Variants in CAMK2G observed in about 807,000 individuals in gnomAD.
The protein encoded by CAMK2G is calcium/calmodulin dependent protein kinase II gamma, also known as calcium/calmodulin-dependent protein kinase type II subunit gamma.
Under a neutral mutation model 88.7 loss-of-function variants are expected in CAMK2G, and 23 were observed. That is an observed-to-expected ratio of 0.26 (90% confidence interval 0.19 to 0.37). The LOEUF is 0.37. Among genes scored for constraint, CAMK2G ranks in the 10% least tolerant of loss-of-function variants. The probability of loss-of-function intolerance (pLI) is 1.00; values close to 1 mark genes in which losing one functional copy is unlikely to be tolerated. For synonymous variants in CAMK2G, 263 were observed against 294.8 expected (o/e 0.89, Z 1.11); for missense variants, 476 against 780.8 (o/e 0.61, Z 4.65).
intron 14 of CAMK2G, among the ~76,000 whole-genome samples, chr10:73,834,349 A>G (rs111317717): frequency 0.013 from 1,910 of 152,330 alleles, 41 homozygotes; most frequent in African/African-American, 0.043. Context: ...TCTGGTTCCC[A>G]CCATGATATT....
chr10:73,874,296 G>T, intron 1 of CAMK2G, 101 bp downstream of exon 1: 2 of 727,398 alleles, frequency 2.7e-6, no homozygotes. Flanking sequence ...GGCGGCCGAG[G>T]GGGAGCCGCA....
In CAMK2G at chr10:73,839,511, G is replaced by A; in HGVS notation, c.1009+28C>T. On this transcript the variant is annotated intron_variant, in intron 13 of 22. Transcript: ENST00000423381. This position sits in a 1 kb window ranked among gnomAD's most constrained non-coding sequence, Gnocchi z 4.2. ...GTGGGGTGGCAGGGGGCCGAGGCAG[G>A]CGGTCGGGGAGGACTCATGCCACGT... 8.2e-7 allele frequency: 1 copy of A among 1,222,106 alleles called. No homozygotes were observed. The highest frequency in any genetic ancestry group is 1.0e-6 in the Non-Finnish European group (1 of 977,052). The allele number at this position is 1,222,106 out of a possible 1,614,324, so 75.7% of individuals were successfully genotyped here.
intron 3 of CAMK2G, among the ~76,000 whole-genome samples, chr10:73,854,537 G>A (rs1274444109): frequency 2.0e-5 from 3 of 152,132 alleles, no homozygotes; most frequent in African/African-American, 7.2e-5. Context: ...TCCAAGCCTT[G>A]GCAGTTACAG....
rs1260231229 is a variant in CAMK2G at position 73,820,486 on chromosome 10, ATATATATTTTT to A, written c.1250-852_1250-842del. 2.6e-3 allele frequency among the ~76,000 whole-genome samples: 133 copies of A among 51,866 alleles called. 1 individual carries two copies. The highest frequency in any genetic ancestry group is 0.011 in the African/African-American group (93 of 8,438). The allele number at this position is 51,866 out of a possible 152,430, so 34.0% of individuals were successfully genotyped here. On this transcript the variant is annotated intron_variant, in intron 18 of 22. Coordinates refer to ENST00000423381, the MANE Select transcript of CAMK2G (RefSeq NM_001367534.1). The stretch of plus-strand genomic sequence containing the variant: ...TATTTATATATATATATATATATAT[ATATATATTTTT>A]TTTTTTTTTTTTTTCTTGAGACAGA...
chr10:73,844,576 T>A (rs2094087290), intron 10 of CAMK2G, among the ~76,000 whole-genome samples: 1 of 151,880 alleles, frequency 6.6e-6, no homozygotes, highest in Non-Finnish European at 1.5e-5. Context: ...CCCAGCTAAT[T>A]TTTTGTATTT....
intron 14 of CAMK2G, among the ~76,000 whole-genome samples, chr10:73,830,121 G>C (rs1459099287): frequency 2.0e-5 from 3 of 152,126 alleles, no homozygotes; most frequent in Non-Finnish European, 4.4e-5. Context: ...AAATTGTCCT[G>C]CATGAGAACC....
chr10:73,829,063 A>C (rs2091846828), intron 14 of CAMK2G, among the ~76,000 whole-genome samples: 1 of 152,196 alleles, frequency 6.6e-6, no homozygotes, highest in Non-Finnish European at 1.5e-5. Context: ...AATGCCCAGC[A>C]AACACTGAGG....
chr10:73,826,951 C>T (rs2091135824), intron 15 of CAMK2G, among the ~76,000 whole-genome samples: 2 of 147,960 alleles, frequency 1.4e-5, no homozygotes, highest in Admixed American at 6.6e-5. Flanking sequence ...GAAGAGGGGG[C>T]CCAGGAGTAG....
intron 16 of CAMK2G, 129 bp downstream of exon 16, chr10:73,825,150 A>G (rs1229746408): frequency 6.8e-6 from 5 of 735,740 alleles, no homozygotes. Flanking sequence ...CGGCACACAA[A>G]GCAGTCAGTT....
At chr10:73,814,789 C>G (rs1244030407) in intron 22 of CAMK2G, 2 of 562,644 alleles carry the variant, frequency 3.6e-6, no homozygotes, top group Non-Finnish European at 6.4e-6. Flanking sequence ...GGGAAGTAAC[C>G]TGTCTGAGGT....
intron 18 of CAMK2G, among the ~76,000 whole-genome samples, chr10:73,820,492 A>ATATATATATATATTT (rs1554995765): frequency 2.0e-5 from 1 of 51,060 alleles, no homozygotes; most frequent in African/African-American, 8.9e-5. Context: ...ATATATATAT[A>ATATATATATATATTT]TTTTTTTTTT....
intron 1 of CAMK2G, 98 bp from the exon 2 acceptor site, chr10:73,873,181 C>G (rs2095900413): frequency 1.0e-6 from 1 of 1,002,736 alleles, no homozygotes; most frequent in South Asian, 1.3e-5. Context: ...ACCACCAGAC[C>G]TCTAGTCACA....
At chr10:73,823,679 C>G (rs1489833453) in intron 17 of CAMK2G, among the ~76,000 whole-genome samples, 3 of 152,204 alleles carry the variant, frequency 2.0e-5, no homozygotes, top group Admixed American at 2.0e-4. Context: ...ACAAAGGGGT[C>G]AGGCCATGGA....
At chr10:73,828,278 C>T (rs533171496) in intron 14 of CAMK2G, among the ~76,000 whole-genome samples, 157 bp from the exon 15 acceptor site, 2 of 152,182 alleles carry the variant, frequency 1.3e-5, no homozygotes, top group African/African-American at 2.4e-5. Flanking sequence ...TTAAACAGCA[C>T]ACGGACCGAC....
intron 2 of CAMK2G, among the ~76,000 whole-genome samples, chr10:73,864,768 G>A (rs890909102): frequency 2.6e-5 from 4 of 152,026 alleles, no homozygotes; most frequent in South Asian, 2.1e-4. Flanking sequence ...TCAGCCTCCC[G>A]AGTAGCTGGG....
At chr10:73,820,464 T>TATATATA (rs2087623930) in intron 18 of CAMK2G, among the ~76,000 whole-genome samples, 4 of 74,088 alleles carry the variant, frequency 5.4e-5, no homozygotes, top group African/African-American at 2.8e-4. Context: ...GGTTTTATAT[T>TATATATA]TATATATATA....
At chr10:73,873,501 G>A in intron 1 of CAMK2G, 9 of 1,017,386 alleles carry the variant, frequency 8.8e-6, no homozygotes, top group Non-Finnish European at 1.1e-5. Flanking sequence ...GGGAAGGAAA[G>A]ATTAAAAAGA....
At chr10:73,863,859 T>C (rs2095482262) in intron 2 of CAMK2G, among the ~76,000 whole-genome samples, 1 of 152,214 alleles carries the variant, frequency 6.6e-6, no homozygotes, top group African/African-American at 2.4e-5. Context: ...AGCTGAGCCC[T>C]GTGTTCCCGG....
intron 17 of CAMK2G, 93 bp downstream of exon 17, chr10:73,823,947 T>C: frequency 1.1e-6 from 1 of 945,408 alleles, no homozygotes; most frequent in Non-Finnish European, 1.7e-6. Flanking sequence ...GCAAACACCT[T>C]GGCCTCAGGG....
Sources: gnomAD v4.1 joint callset for allele counts (sites outside exome capture counted in the v4.1 genomes callset) on GRCh38, gnomAD v4.1.1 for gene constraint, Gnocchi (gnomAD v3.1) non-coding constraint, MANE v1.5 for transcripts, NCBI Gene and HGNC (gene_info 2026-07-23, HGNC 2026-07-21) for gene names.